Variants in DAB1 observed in about 807,000 individuals in gnomAD.
The protein encoded by DAB1 is disabled homolog 1.
In DAB1, 15 loss-of-function variants were observed where a neutral mutation model predicts 64.6. The ratio of observed to expected loss-of-function variants is 0.23; its 90% confidence interval spans 0.16 to 0.36. DAB1 has a LOEUF of 0.36. Ranked by LOEUF, DAB1 falls within the 10% of genes least tolerant of loss-of-function variation. DAB1 has a pLI of 1.00. For synonymous variants in DAB1, 235 were observed against 251.9 expected, an observed-to-expected ratio of 0.93 and a Z score of 0.64; for missense variants, 596 against 706.7, an observed-to-expected ratio of 0.84 and a Z score of 1.78.
intron 5 of DAB1, among the ~76,000 whole-genome samples, chr1:57,976,577 G>A (rs575090188): frequency 6.6e-6 from 1 of 152,186 alleles, no homozygotes; most frequent in East Asian, 1.9e-4. Flanking sequence ...TCAAAGTTAT[G>A]AGCAAAATAA....
chr1:58,251,115 A>T (rs773208842), intron 4 of DAB1, among the ~76,000 whole-genome samples: 6 of 152,246 alleles, frequency 3.9e-5, no homozygotes, highest in Non-Finnish European at 8.8e-5. Flanking sequence ...AATTGTGAGA[A>T]TCACATGAGA....
intron 8 of DAB1, among the ~76,000 whole-genome samples, chr1:57,064,200 CTCATT>C (rs778333669): frequency 1.3e-5 from 2 of 152,196 alleles, no homozygotes; most frequent in Non-Finnish European, 2.9e-5. Context: ...CATTTTTCAT[CTCATT>C]TAACTTAAAA....
chr1:57,310,894 A>T (rs962761522), intron 1 of DAB1, among the ~76,000 whole-genome samples: 1 of 152,060 alleles, frequency 6.6e-6, no homozygotes, highest in Non-Finnish European at 1.5e-5. Context: ...GCTACTTGGG[A>T]GACTGAGGTG....
chr1:57,428,454 C>G (rs78031121), upstream of DAB1, among the ~76,000 whole-genome samples: 41 of 152,258 alleles, frequency 2.7e-4, no homozygotes, highest in East Asian at 7.9e-3. Context: ...AACAAAATGT[C>G]CCCTAGGTTC....
At chr1:57,314,916 A>T (rs1035852907) in intron 1 of DAB1, among the ~76,000 whole-genome samples, 2 of 152,204 alleles carry the variant, frequency 1.3e-5, no homozygotes, top group South Asian at 2.1e-4. Flanking sequence ...ATAATATAAT[A>T]GTCCCTGATC....
chr1:57,593,421 G>T (rs1645469513), intron 7 of DAB1, among the ~76,000 whole-genome samples: 1 of 152,144 alleles, frequency 6.6e-6, no homozygotes, highest in South Asian at 2.1e-4. Context: ...GAACACTTGG[G>T]TTCTTCCACC....
In DAB1 at chr1:57,084,784, T is replaced by G. The variant is rs1025529172; in HGVS notation, c.307-12370A>C. Among the ~76,000 whole-genome samples, 19 of 152,184 alleles carry G rather than the reference T, an allele frequency of 1.2e-4. 1 individual carries two copies. The highest frequency in any genetic ancestry group is 4.3e-4 in the African/African-American group (18 of 41,446). On this transcript the variant is annotated intron_variant, in intron 4 of 14. Transcript: ENST00000371236. ...CTTAAATCAGAAACACAGAGTGTAG[T>G]GCAGTGCCATGCAATTTATAGCTGC...
intron 5 of DAB1, among the ~76,000 whole-genome samples, chr1:58,032,590 G>A (rs1388913490): frequency 6.6e-6 from 1 of 152,160 alleles, no homozygotes; most frequent in Admixed American, 6.5e-5. Context: ...CAGCCAGCAG[G>A]AGTTGTCATC....
At chr1:57,228,023 G>A (rs947465201) in intron 2 of DAB1, among the ~76,000 whole-genome samples, 1 of 152,176 alleles carries the variant, frequency 6.6e-6, no homozygotes, top group Non-Finnish European at 1.5e-5. Context: ...AGCCATAGTT[G>A]TTGTTCCTGA....
intron 1 of DAB1, chr1:57,860,635 G>T (rs2101940728): frequency 6.6e-6 from 1 of 152,362 alleles, no homozygotes; most frequent in East Asian, 1.9e-4. Context: ...GCTTGCAGAA[G>T]AACAGGCCTA....
At chr1:57,226,641 G>A (rs1667271691) in intron 2 of DAB1, among the ~76,000 whole-genome samples, 1 of 137,662 alleles carries the variant, frequency 7.3e-6, no homozygotes, top group Non-Finnish European at 1.5e-5. Context: ...AAGCAAGTCA[G>A]ATCCTGTCAC....
rs553931921 is a variant in DAB1 at position 58,061,005 on chromosome 1, C to T, written n.387+89506G>A. 5.9e-5 allele frequency among the ~76,000 whole-genome samples: 9 copies of T among 152,310 alleles called. No homozygotes were observed. The East Asian group carries it at 1.7e-3, about 29-fold the overall frequency. The stretch of plus-strand genomic sequence containing the variant: ...GCAAGAAGGATGAAGAAGGAAGAGC[C>T]TGGGTCCTCAGGGCCTCCATCCCTC... On this transcript the variant is annotated intron_variant and non_coding_transcript_variant, in intron 5 of 20. Transcript: ENST00000485760.
intron 4 of DAB1, among the ~76,000 whole-genome samples, chr1:58,199,007 T>C (rs1657850203): frequency 6.6e-6 from 1 of 152,150 alleles, no homozygotes. Flanking sequence ...CTGGGGAGGC[T>C]GACGCAGAAG....
At chr1:57,083,507 G>A (rs1292206109) in intron 4 of DAB1, among the ~76,000 whole-genome samples, 1 of 152,172 alleles carries the variant, frequency 6.6e-6, no homozygotes, top group Non-Finnish European at 1.5e-5. Flanking sequence ...AAATGAAACA[G>A]CATGTTTTGC....
chr1:57,288,677 C>A, intron 2 of DAB1, among the ~76,000 whole-genome samples: 1 of 151,706 alleles, frequency 6.6e-6, no homozygotes, highest in East Asian at 1.9e-4. Flanking sequence ...ATGGTATTTT[C>A]TTGTGGCAGC....
intron 5 of DAB1, among the ~76,000 whole-genome samples, chr1:57,972,788 G>A (rs1645830569): frequency 6.6e-6 from 1 of 152,190 alleles, no homozygotes; most frequent in African/African-American, 2.4e-5. Flanking sequence ...ACATAGGAAA[G>A]GTGTTCTTTG....
chr1:57,581,964 C>T (rs896444395), intron 7 of DAB1, among the ~76,000 whole-genome samples: 1 of 152,116 alleles, frequency 6.6e-6, no homozygotes, highest in African/African-American at 2.4e-5. Flanking sequence ...GATCAAGATG[C>T]CAGCAGATTT....
intron 4 of DAB1, among the ~76,000 whole-genome samples, chr1:57,073,465 G>A (rs1212507446): frequency 6.6e-6 from 1 of 152,156 alleles, no homozygotes; most frequent in African/African-American, 2.4e-5. Context: ...ATCGGGTAAT[G>A]GTGATCTTAA....
intron 2 of DAB1, among the ~76,000 whole-genome samples, chr1:57,274,101 T>C (rs907482400): frequency 4.6e-5 from 7 of 152,154 alleles, no homozygotes; most frequent in Admixed American, 1.3e-4. Flanking sequence ...ATCATAATGC[T>C]TTGCCAATCT....
Sources: gnomAD v4.1 joint callset for allele counts (sites outside exome capture counted in the v4.1 genomes callset) on GRCh38, gnomAD v4.1.1 for gene constraint, MANE v1.5 for transcripts, NCBI Gene and HGNC (gene_info 2026-07-23, HGNC 2026-07-21) for gene names.